PEX7: variants seen among roughly 807,000 people sequenced by gnomAD.
PEX7 encodes the protein peroxisomal biogenesis factor 7.
Under a neutral mutation model 47.5 loss-of-function variants are expected in PEX7, and 34 were observed. That is an observed-to-expected ratio of 0.72 (90% CI 0.54 to 0.95). The LOEUF is 0.95. Among genes scored for constraint, PEX7 ranks in the 40% least tolerant of loss-of-function variants. The pLI, the probability that PEX7 is intolerant of heterozygous loss-of-function variation, is 0.00. For missense variants in PEX7, 394 were observed against 400.3 expected (o/e 0.98, Z 0.13); for synonymous variants, 141 against 148.8 (o/e 0.95, Z 0.38).
intron 3 of PEX7, among the ~76,000 whole-genome samples, chr6:136,838,282 G>A (rs575427946): frequency 1.3e-5 from 2 of 152,296 alleles, no homozygotes; most frequent in East Asian, 3.9e-4. Context: ...TAAGCCTCCA[G>A]ATCTAACTTC....
At chr6:136,838,777 C>T (rs1486484442) in intron 3 of PEX7, among the ~76,000 whole-genome samples, 1 of 152,062 alleles carries the variant, frequency 6.6e-6, no homozygotes, top group African/African-American at 2.4e-5. Context: ...ACATGATGGG[C>T]AACATGTTGA....
chr6:136,910,721 T>A (rs1162968352), intron 9 of PEX7, among the ~76,000 whole-genome samples: 1 of 152,220 alleles, frequency 6.6e-6, no homozygotes, highest in Non-Finnish European at 1.5e-5. Flanking sequence ...TTGTGTAATT[T>A]TCAGCCTTTG....
At chr6:136,824,411 G>A (rs1267752285) in intron 1 of PEX7, among the ~76,000 whole-genome samples, 1 of 152,074 alleles carries the variant, frequency 6.6e-6, no homozygotes, top group Non-Finnish European at 1.5e-5. Flanking sequence ...TCACTATGTT[G>A]CCCAGGCTGG....
intron 8 of PEX7, among the ~76,000 whole-genome samples, chr6:136,897,734 C>T (rs1775676267): frequency 6.6e-6 from 1 of 152,084 alleles, no homozygotes; most frequent in African/African-American, 2.4e-5. Context: ...TTTAAAATCA[C>T]AAAATGTTAG....
chr6:136,825,073 C>T, intron 1 of PEX7, 141 bp from the exon 2 acceptor site: 2 of 713,204 alleles, frequency 2.8e-6, no homozygotes, highest in South Asian at 1.5e-5. Flanking sequence ...GATCACCTGA[C>T]CATTTGGTAT....
At chr6:136,847,684 G>A (rs1288989120) in intron 5 of PEX7, among the ~76,000 whole-genome samples, 1 of 152,060 alleles carries the variant, frequency 6.6e-6, no homozygotes, top group Non-Finnish European at 1.5e-5. Context: ...TGAGGGCTCT[G>A]TTCTGTTCCA....
chr6:136,856,258 G>A (rs1399342846), intron 5 of PEX7, among the ~76,000 whole-genome samples: 1 of 142,096 alleles, frequency 7.0e-6, no homozygotes, highest in Non-Finnish European at 1.5e-5. Flanking sequence ...TATAAATCTT[G>A]GTCATATCAG....
At chr6:136,910,492 G>A (rs1012837062) in intron 9 of PEX7, among the ~76,000 whole-genome samples, 1 of 152,184 alleles carries the variant, frequency 6.6e-6, no homozygotes, top group African/African-American at 2.4e-5. Flanking sequence ...TAAGCAGCAT[G>A]CTTGGATTTG....
intron 6 of PEX7, among the ~76,000 whole-genome samples, chr6:136,867,912 C>G (rs538033424): frequency 2.0e-5 from 3 of 152,206 alleles, no homozygotes; most frequent in Admixed American, 6.5e-5. Flanking sequence ...CAGTAATGTT[C>G]TAGGCCTTTC....
chr6:136,893,946 A>T (rs1775600350), intron 8 of PEX7, among the ~76,000 whole-genome samples: 1 of 152,238 alleles, frequency 6.6e-6, no homozygotes, highest in South Asian at 2.1e-4. Flanking sequence ...CAAAAGTGTT[A>T]GTATAGAGAT....
At chr6:136,870,027 T>TTCTAC in intron 7 of PEX7, 24 bp downstream of exon 7, 1 of 1,360,374 alleles carries the variant, frequency 7.4e-7, no homozygotes, top group Non-Finnish European at 1.0e-6. Flanking sequence ...TTTTCTTTTA[T>TTCTAC]ATGTAGAATA....
At chr6:136,864,556 C>G (rs780658324) in intron 5 of PEX7, among the ~76,000 whole-genome samples, 14 of 152,140 alleles carry the variant, frequency 9.2e-5, no homozygotes, top group Non-Finnish European at 1.9e-4. Flanking sequence ...TTCATTACTG[C>G]CAACACATTT....
At chr6:136,847,581 G>C (rs1229658772) in intron 5 of PEX7, among the ~76,000 whole-genome samples, 2 of 151,652 alleles carry the variant, frequency 1.3e-5, no homozygotes, top group African/African-American at 4.8e-5. Flanking sequence ...AGTTTTCCCA[G>C]CACCATTTAT....
At chr6:136,892,865 C>A (rs1775580802) in intron 8 of PEX7, among the ~76,000 whole-genome samples, 1 of 152,182 alleles carries the variant, frequency 6.6e-6, no homozygotes, top group Admixed American at 6.5e-5. Flanking sequence ...TCCAATCCAT[C>A]AACTTTTCTT....
Position 136,866,739 on chromosome 6 carries a change from G to A in PEX7, c.633+6G>A. On this transcript the variant is annotated splice_donor_region_variant and intron_variant, in intron 6 of 9. Transcript: ENST00000318471. ...ACTGGTGTAAATACAATGAGGTATAGTGTATGGCTCTATCCTATGCTGCTG... is the reference window on the plus strand; with the variant it reads ...ACTGGTGTAAATACAATGAGGTATAATGTATGGCTCTATCCTATGCTGCTG... 1 of 1,598,790 alleles carries A rather than the reference G, an allele frequency of 6.3e-7. No individual in the cohort carries two copies. The highest frequency in any genetic ancestry group is 8.6e-7 in the Non-Finnish European group (1 of 1,166,164).
chr6:136,913,623 A>G lies in PEX7; in HGVS notation c.*97A>G. On this transcript the variant is annotated 3_prime_UTR_variant, in exon 10 of 10. Coordinates refer to ENST00000318471, the MANE Select transcript of PEX7 (RefSeq NM_000288.4). ...GAAAACATAGACATTATGCTTTTAT[A>G]TGCTATTCAGATTTCAAATCTTTCC... is the stretch of plus-strand genomic sequence containing the variant. 1 of 874,198 alleles carries G rather than the reference A, an allele frequency of 1.1e-6. No individual in the cohort carries two copies. The highest frequency in any genetic ancestry group is 1.7e-5 in the Admixed American group (1 of 58,076). 54.2% of individuals were successfully genotyped at this position (874,198 alleles called of 1,614,324 possible).
chr6:136,893,378 C>T (rs1025835110), intron 8 of PEX7, among the ~76,000 whole-genome samples: 1 of 152,220 alleles, frequency 6.6e-6, no homozygotes, highest in Non-Finnish European at 1.5e-5. Flanking sequence ...TGCTGTCTCC[C>T]TGGCTAACTC....
Position 136,854,018 on chromosome 6 carries a change from A to G in PEX7, c.526+7837A>G, listed in dbSNP as rs190458820. ...GACCAGTAATATATTTTTTCTTCTT[A>G]TGTTGCCTTTCCCAAGCCTGCATCC... On this transcript the variant is annotated intron_variant, in intron 5 of 9. Transcript: ENST00000318471. 2.6e-5 allele frequency among the ~76,000 whole-genome samples: 4 copies of G among 151,920 alleles called. No individual in the cohort carries two copies. In the East Asian group the frequency reaches 5.8e-4, roughly 22 times the overall value.
intron 5 of PEX7, among the ~76,000 whole-genome samples, chr6:136,847,473 T>G (rs960536714): frequency 2.6e-5 from 4 of 152,104 alleles, no homozygotes; most frequent in African/African-American, 9.6e-5. Context: ...TTTTTATGGT[T>G]TTAGGTCTAA....
Sources: allele counts gnomAD v4.1 joint callset (sites outside exome capture counted in the v4.1 genomes callset), GRCh38; gene constraint gnomAD v4.1.1; transcripts MANE v1.5; gene names NCBI Gene and HGNC (gene_info 2026-07-23, HGNC 2026-07-21).